Variants in B4GALNT3 observed in about 807,000 individuals in gnomAD.
B4GALNT3 encodes the protein beta-1,4-N-acetyl-galactosaminyltransferase 3, also known as beta-1,4-N-acetylgalactosaminyltransferase 3.
In B4GALNT3, 86 loss-of-function variants were observed where a neutral mutation model predicts 120.2. The observed-to-expected ratio is 0.72, with a 90% confidence interval of 0.60 to 0.86. B4GALNT3 has a LOEUF of 0.86. Ranked by LOEUF, B4GALNT3 falls within the 40% of genes least tolerant of loss-of-function variation. The pLI, the probability that B4GALNT3 is intolerant of heterozygous loss-of-function variation, is 0.00. For missense variants in B4GALNT3, 1,167 were observed against 1,298.9 expected (o/e 0.90, Z 1.56); for synonymous variants, 518 against 510.4 (o/e 1.01, Z -0.20).
intron 1 of B4GALNT3, among the ~76,000 whole-genome samples, chr12:522,852 G>A (rs986453139): frequency 2.0e-5 from 3 of 148,040 alleles, no homozygotes; most frequent in Non-Finnish European, 4.4e-5. Flanking sequence ...TGGGATGATC[G>A]CTTGAACCTG....
intron 1 of B4GALNT3, among the ~76,000 whole-genome samples, chr12:479,257 G>A (rs1325606912): frequency 6.6e-6 from 1 of 152,100 alleles, no homozygotes; most frequent in Admixed American, 6.5e-5. Flanking sequence ...TGTTGCCCAG[G>A]TTGGTGTCAA....
At chr12:540,790 A>C (rs370772990) in intron 3 of B4GALNT3, among the ~76,000 whole-genome samples, 134 of 151,166 alleles carry the variant, frequency 8.9e-4, no homozygotes, top group African/African-American at 3.1e-3. Flanking sequence ...GTCGCCCAGG[A>C]TGGAGTGCAG....
rs11831197 is a variant in B4GALNT3, at chr12:497,247, G to T, written c.169+36702G>T. ...CGGCTCACTGCAACCTCCGCCTCCC[G>T]GGTTCAAGCGATTCTCCTGCCTCAG... On this transcript the variant is annotated intron_variant, in intron 1 of 19. Transcript: ENST00000266383. Among the ~76,000 whole-genome samples, 804 of 152,186 alleles carry T rather than the reference G, an allele frequency of 5.3e-3. 7 individuals are homozygous for T. Among genetic ancestry groups the T allele is most frequent in the African/African-American group, 0.018 (765 of 41,524 alleles).
At position 553,961 on chromosome 12, in the gene B4GALNT3, A is replaced by G; in HGVS notation, c.2038A>G (p.Lys680Glu). Residue 680 changes from lysine (K) to glutamate (E), a missense_variant, in exon 14 of 20, where the codon AAG (lysine) becomes GAG (glutamate). Physicochemically the swap from Lys to Glu is moderately conservative, Grantham distance 56. This residue lies in a region of B4GALNT3 where 983 missense variants were observed against 1,102.5 expected (regional missense o/e 0.89). Transcript: ENST00000266383. ...GGAGGTCACGCGAGTCTTCTTGAAG[A>G]AGCTCAACCAGAGGAGCCGGGGGTA... ...ALEVTRVFLKKLNQRSRGRYQ... is the reference protein window; with the variant it reads ...ALEVTRVFLKELNQRSRGRYQ... 1 of 1,613,350 alleles carries G rather than the reference A, an allele frequency of 6.2e-7. No individual in the cohort carries two copies. The highest frequency in any genetic ancestry group is 2.2e-5 in the East Asian group (1 of 44,876).
At chr12:534,457 AC>A (rs1265183645) in intron 1 of B4GALNT3, among the ~76,000 whole-genome samples, 1 of 151,090 alleles carries the variant, frequency 6.6e-6, no homozygotes, top group Non-Finnish European at 1.5e-5. Flanking sequence ...ATGCGCGTGC[AC>A]CCCCCAGTTT....
intron 1 of B4GALNT3, among the ~76,000 whole-genome samples, chr12:512,858 TC>T (rs1555155294): frequency 8.8e-5 from 12 of 136,082 alleles, no homozygotes; most frequent in Admixed American, 1.5e-4. Flanking sequence ...CCTTCCACCT[TC>T]CTTCCACCTT....
At chr12:514,186 T>C (rs1946626014) in intron 1 of B4GALNT3, among the ~76,000 whole-genome samples, 1 of 145,642 alleles carries the variant, frequency 6.9e-6, no homozygotes, top group Non-Finnish European at 1.5e-5. Context: ...ACACTTGTTA[T>C]TGTCCGTTTT....
Position 476,943 on chromosome 12 carries a change from G to A in B4GALNT3, c.169+16398G>A, listed in dbSNP as rs191095718. On this transcript the variant is annotated intron_variant, in intron 1 of 19. Coordinates refer to ENST00000266383, the MANE Select transcript of B4GALNT3 (RefSeq NM_173593.4). ...CAATAGAACATGAAATTCTTTTACC[G>A]AGCTCAGCTGCAGCCTCAGAATTTT... is the stretch of plus-strand genomic sequence containing the variant. 1.2e-3 allele frequency among the ~76,000 whole-genome samples: 182 copies of A among 152,204 alleles called. 4 individuals carry two copies. Among genetic ancestry groups the A allele is most frequent in the Non-Finnish European group, 2.2e-4 (15 of 68,004 alleles).
At chr12:463,302 A>G (rs1946041029) in intron 1 of B4GALNT3, among the ~76,000 whole-genome samples, 1 of 152,264 alleles carries the variant, frequency 6.6e-6, no homozygotes, top group African/African-American at 2.4e-5. Context: ...TCTTCGTGAA[A>G]TAACCCAGTA....
intron 1 of B4GALNT3, among the ~76,000 whole-genome samples, chr12:491,966 G>A: frequency 6.6e-6 from 1 of 150,896 alleles, no homozygotes; most frequent in South Asian, 2.1e-4. Context: ...GCTGAGGCAG[G>A]AAAATTGTGT....
At chr12:519,615 C>CT (rs1393297439) in intron 1 of B4GALNT3, among the ~76,000 whole-genome samples, 1 of 89,746 alleles carries the variant, frequency 1.1e-5, no homozygotes, top group African/African-American at 4.3e-5. Flanking sequence ...TTTTTTTTTC[C>CT]GGTAAGGATC....
In B4GALNT3 at chr12:460,531, A is replaced by G; in HGVS notation, c.155A>G (p.Asn52Ser). 2 of 1,516,082 alleles carry G rather than the reference A, an allele frequency of 1.3e-6. No homozygotes were observed. The highest frequency in any genetic ancestry group is 1.8e-6 in the Non-Finnish European group (2 of 1,127,374). 93.9% of individuals were successfully genotyped at this position (1,516,082 alleles called of 1,614,324 possible). A position where few individuals can be genotyped will look rare whatever the true frequency, so the allele number is the denominator to read the frequency against. The change falls in exon 1 of 20, where the codon AAC (asparagine) becomes AGC (serine). Residue 52 changes from asparagine to serine, a missense_variant. Around this residue, in one of 3 missense-constraint regions of B4GALNT3, gnomAD observed 171 missense variants for 161.3 expected, o/e 1.06. Transcript: ENST00000266383. The surrounding 1 kb of genome is among the most constrained non-coding windows in gnomAD (Gnocchi z 8.0). Reference sequence around the variant, plus strand: ...GTGGCGTCGGCCCAGGTCGGCGGGAACCCCCTGAACCGGAGTAAGTAGCAC... The same window carrying G: ...GTGGCGTCGGCCCAGGTCGGCGGGAGCCCCCTGAACCGGAGTAAGTAGCAC... ...ELVASAQVGG[N>S]PLNRRYGSWR...
rs935562398 is a variant in B4GALNT3, at chr12:563,476, C to T, written c.*2025C>T. The T allele has an allele frequency of 6.6e-6, 1 of 151,750 alleles. No individual in the cohort carries two copies. The highest frequency in any genetic ancestry group is 6.6e-5 in the Admixed American group (1 of 15,232). 9.4% of individuals were successfully genotyped at this position (151,750 alleles called of 1,614,324 possible). A position where few individuals can be genotyped will look rare whatever the true frequency, so the allele number is the denominator to read the frequency against. ...GGGTGTGGGATGGTGGGAGGGGAAG[C>T]ATTAAATACAGCAACTTCTTAGAAA... On this transcript the variant is annotated 3_prime_UTR_variant, in exon 20 of 20. Transcript: ENST00000266383.
At chr12:471,002 TACAGGCGTG>T (rs1217584594) in intron 1 of B4GALNT3, among the ~76,000 whole-genome samples, 2 of 152,074 alleles carry the variant, frequency 1.3e-5, no homozygotes, top group Non-Finnish European at 2.9e-5. Context: ...GTGCTGGGAT[TACAGGCGTG>T]AGCCACCGTG....
intron 6 of B4GALNT3, among the ~76,000 whole-genome samples, chr12:545,977 T>G (rs1443227297): frequency 4.6e-5 from 2 of 43,382 alleles, no homozygotes; most frequent in African/African-American, 9.6e-5. Context: ...GTGAGAGGAG[T>G]GGGGAGATGA....
intron 1 of B4GALNT3, among the ~76,000 whole-genome samples, chr12:526,762 TC>T (rs1290564085): frequency 1.3e-5 from 2 of 152,304 alleles, no homozygotes; most frequent in African/African-American, 4.8e-5. Context: ...TGTGGCCTCT[TC>T]TGATCAAATT....
intron 1 of B4GALNT3, among the ~76,000 whole-genome samples, chr12:526,493 G>A (rs1241243831): frequency 1.3e-5 from 2 of 152,180 alleles, no homozygotes; most frequent in Non-Finnish European, 2.9e-5. Flanking sequence ...GTGGCCCTTC[G>A]CTAGGTCCAT....
chr12:559,312 G>A lies in B4GALNT3; in HGVS notation c.2779G>A (p.Gly927Arg), dbSNP rs1947196851. The change falls in exon 19 of 20, where the codon GGG becomes AGG. Residue 927 changes from glycine to arginine, a missense_variant. Transcript: ENST00000266383. ...GTCCACAGGCTACTGGGAGGTGAAT[G>A]GGTTCGGGCTGCTTGGCATCTACAA... ...QWPEGYWEVN[G>R]FGLLGIYKSD... The A allele has an allele frequency of 6.2e-7, 1 of 1,613,918 alleles. No homozygotes were observed. The highest frequency in any genetic ancestry group is 1.3e-5 in the African/African-American group (1 of 74,916).
chr12:501,343 G>T (rs1946442693), intron 1 of B4GALNT3, among the ~76,000 whole-genome samples: 1 of 152,108 alleles, frequency 6.6e-6, no homozygotes. Flanking sequence ...CTGAGATAAG[G>T]CTACTGTTAT....
Sources: gnomAD v4.1 joint callset for allele counts (sites outside exome capture counted in the v4.1 genomes callset) on GRCh38, gnomAD v4.1.1 for gene constraint, gnomAD v4.1.1 regional missense constraint, Gnocchi (gnomAD v3.1) non-coding constraint, MANE v1.5 for transcripts, NCBI Gene and HGNC (gene_info 2026-07-23, HGNC 2026-07-21) for gene names.